IZUMO2: variants seen among roughly 807,000 people sequenced by gnomAD.
IZUMO2 encodes the protein IZUMO family member 2.
IZUMO2 carries 24 observed loss-of-function variants against 31.2 expected under a neutral mutation model. The observed-to-expected ratio is 0.77, with a 90% CI of 0.56 to 1.08. The LOEUF (loss-of-function observed/expected upper bound fraction) is 1.08. IZUMO2 is among the 50% of genes least tolerant of loss of function. The pLI is 0.00. For synonymous variants in IZUMO2, 144 were observed against 117.3 expected (o/e 1.23, Z -1.47); for missense variants, 278 against 274.0 (o/e 1.01, Z -0.10).
chr19:50,161,126 CTTTTTTT>C (rs398040395), intron 2 of IZUMO2, among the ~76,000 whole-genome samples: 1 of 139,678 alleles, frequency 7.2e-6, no homozygotes. Context: ...TTTCCTTTTT[CTTTTTTT>C]TTTTTTTTGA....
In IZUMO2 at chr19:50,159,242, G is replaced by A; in HGVS notation, c.403C>T (p.Pro135Ser). 1 of 1,611,264 alleles carries A rather than the reference G, an allele frequency of 6.2e-7. No homozygotes were observed. Among genetic ancestry groups the A allele is most frequent in the Non-Finnish European group, 8.5e-7 (1 of 1,179,322 alleles). Residue 135 changes from proline to serine, a missense_variant, in exon 4 of 7, where the codon CCC becomes TCC. By Grantham distance (74) the Pro-to-Ser change is moderately conservative (BLOSUM62 -1). Transcript: ENST00000293405. Reference protein sequence around the residue: ...LISYELKACNPKLCRLLKEEV... With the variant: ...LISYELKACNSKLCRLLKEEV... ...ATCCAGAACTCACGGCAAAGTTTGG[G>A]GTTGCAGGCTGCAAGAGAAAATTGC...
rs1402910121 is a variant in IZUMO2 at position 50,163,135 on chromosome 19, G to T, written c.60C>A (p.Gly20=). Residue 20 remains glycine (G), a synonymous_variant, in exon 1 of 7, where the codon GGC becomes GGA. Coordinates refer to ENST00000293405, the MANE Select transcript of IZUMO2 (RefSeq NM_152358.3). The part of the protein sequence containing the change: ...LSGLGAPGGW[G]CLQCDPLVLE... ...GCACCAAGGGGTCGCACTGCAGGCA[G>T]CCCCAGCCTCCGGGGGCGCCCAAGC... 1 of 1,590,532 alleles carries T rather than the reference G, an allele frequency of 6.3e-7. No homozygotes were observed. The highest frequency in any genetic ancestry group is 1.8e-5 in the Admixed American group (1 of 55,264).
In IZUMO2 at chr19:50,163,203, C is replaced by T. The variant is rs1382383056; in HGVS notation, c.-9G>A. 2 of 1,544,640 alleles carry T rather than the reference C, an allele frequency of 1.3e-6. No individual in the cohort carries two copies. The highest frequency in any genetic ancestry group is 2.0e-5 in the Admixed American group (1 of 49,804). ...GTCAAAGCCAGAGGCATGGCGGGGC[C>T]TTTGTGACGTCACAGAGAGAACCCG... is the stretch of plus-strand genomic sequence containing the variant. On this transcript the variant is annotated 5_prime_UTR_variant, in exon 1 of 7. Coordinates refer to ENST00000293405, the MANE Select transcript of IZUMO2 (RefSeq NM_152358.3).
intron 6 of IZUMO2, among the ~76,000 whole-genome samples, chr19:50,154,278 T>G (rs905274762): frequency 1.7e-4 from 23 of 138,208 alleles, no homozygotes; most frequent in African/African-American, 2.5e-4. Context: ...TTTTTTTTTT[T>G]TTTTTTTTTT....
At chr19:50,161,807 A>AT (rs2030408902) in intron 2 of IZUMO2, among the ~76,000 whole-genome samples, 2 of 151,654 alleles carry the variant, frequency 1.3e-5, no homozygotes. Context: ...TCCCTGCTTT[A>AT]TTTTTTTCCT....
chr19:50,161,600 C>G (rs1033660724), intron 2 of IZUMO2, among the ~76,000 whole-genome samples: 6 of 152,094 alleles, frequency 3.9e-5, no homozygotes, highest in Non-Finnish European at 8.8e-5. Context: ...GTGACTATGC[C>G]AAACATAGTC....
Position 50,159,555 on chromosome 19 carries a change from C to A in IZUMO2, c.333G>T (p.Val111=). The change falls in exon 3 of 7, where the codon GTG becomes GTT. Residue 111 remains valine, a synonymous_variant. Transcript: ENST00000293405. ...LKDEPLLEEL[V]TLRANVIKEF... is the part of the protein sequence containing the mutation. The stretch of plus-strand genomic sequence containing the variant: ...CCTTGATCACATTCGCCCTGAGGGT[C>A]ACCAGCTCTTCCAGCAGAGGCTCAT... The A allele has an allele frequency of 6.2e-7, 1 of 1,613,396 alleles. No individual in the cohort carries two copies. Among genetic ancestry groups the A allele is most frequent in the Non-Finnish European group, 8.5e-7 (1 of 1,179,462 alleles).
chr19:50,155,755 C>T (rs547571484), intron 5 of IZUMO2, among the ~76,000 whole-genome samples: 7 of 152,300 alleles, frequency 4.6e-5, no homozygotes, highest in African/African-American at 1.7e-4. Context: ...AGTCGGCTCC[C>T]TCTGCTCAGT....
At chr19:50,159,394 TA>T in intron 3 of IZUMO2, 99 bp downstream of exon 3, 5 of 1,228,334 alleles carry the variant, frequency 4.1e-6, no homozygotes. Flanking sequence ...GGCTGAGCTA[TA>T]GGGGAGGTGA....
chr19:50,159,129 G>T, intron 4 of IZUMO2, 101 bp downstream of exon 4: 1 of 1,208,936 alleles, frequency 8.3e-7, no homozygotes, highest in Non-Finnish European at 1.2e-6. Context: ...TAAGGGAACT[G>T]CCAAATGGAG....
chr19:50,161,026 A>C (rs1457630842), intron 2 of IZUMO2, among the ~76,000 whole-genome samples: 1 of 152,034 alleles, frequency 6.6e-6, no homozygotes, highest in Non-Finnish European at 1.5e-5. Context: ...ACCTACTCCC[A>C]ACCTCCCAGT....
chr19:50,162,583 C>G (rs11879587), intron 2 of IZUMO2, among the ~76,000 whole-genome samples, 156 bp downstream of exon 2: 2,308 of 152,044 alleles, frequency 0.015, 51 homozygotes, highest in African/African-American at 0.053. Context: ...CTACTGCACT[C>G]CAGCCGGAGC....
At chr19:50,161,127 T>C (rs1474276385) in intron 2 of IZUMO2, among the ~76,000 whole-genome samples, 7 of 99,676 alleles carry the variant, frequency 7.0e-5, no homozygotes, top group South Asian at 2.5e-4. Flanking sequence ...TTCCTTTTTC[T>C]TTTTTTTTTT....
chr19:50,154,480 G>A, intron 6 of IZUMO2, 120 bp downstream of exon 6: 1 of 914,710 alleles, frequency 1.1e-6, no homozygotes, highest in Non-Finnish European at 1.7e-6. Context: ...GAGAGACAGA[G>A]ACTAAAGTGA....
At position 50,163,016 on chromosome 19, in the gene IZUMO2, A is replaced by G; in HGVS notation, c.179T>C (p.Met60Thr). 2.5e-6 allele frequency: 4 copies of G among 1,612,144 alleles called. No homozygotes were observed. The highest frequency in any genetic ancestry group is 3.4e-6 in the Non-Finnish European group (4 of 1,178,868). Residue 60 changes from methionine to threonine, a missense_variant, in exon 1 of 7, where the codon ATG becomes ACG. By Grantham distance (81) the Met-to-Thr change is moderately conservative. Transcript: ENST00000293405. ...QARAGAVLMG[M>T]EGPFFRDYAL... ...GTAGTCCCGGAAGAAAGGCCCCTCC[A>G]TGCCCATCAGCACGGCCCCGGCGCG...
intron 6 of IZUMO2, among the ~76,000 whole-genome samples, chr19:50,152,857 AG>A (rs1264937409): frequency 6.6e-6 from 1 of 152,150 alleles, no homozygotes; most frequent in Non-Finnish European, 1.5e-5. Flanking sequence ...AGCTGGGACC[AG>A]GGGTGATGGT....
At chr19:50,155,138 C>T (rs2030171563) in intron 5 of IZUMO2, among the ~76,000 whole-genome samples, 1 of 152,166 alleles carries the variant, frequency 6.6e-6, no homozygotes, top group African/African-American at 2.4e-5. Flanking sequence ...GCATGGTGAG[C>T]TTGCGCCTAT....
chr19:50,163,279 C>G lies in IZUMO2; in HGVS notation c.-85G>C. The stretch of plus-strand genomic sequence containing the variant: ...CGCGGTCAGGAGGCCCAGGGAGCAT[C>G]ACGGTGTTACAGGCACGTGTTCGCT... On this transcript the variant is annotated 5_prime_UTR_variant, in exon 1 of 7. Coordinates refer to ENST00000293405, the MANE Select transcript of IZUMO2 (RefSeq NM_152358.3). 1.1e-6 allele frequency: 1 copy of G among 948,888 alleles called. No individual in the cohort carries two copies. Among genetic ancestry groups the G allele is most frequent in the Non-Finnish European group, 1.6e-6 (1 of 619,422 alleles). The allele number at this position is 948,888 out of a possible 1,614,324, so 58.8% of individuals were successfully genotyped here. A position where few individuals can be genotyped will look rare whatever the true frequency, so the allele number is the denominator to read the frequency against.
At chr19:50,162,656 C>T (rs1389253470) in intron 2 of IZUMO2, 83 bp downstream of exon 2, 2 of 1,187,062 alleles carry the variant, frequency 1.7e-6, no homozygotes, top group Non-Finnish European at 2.5e-6. Flanking sequence ...CGTGTTTGCT[C>T]TTATTTTTAT....
Sources: gnomAD v4.1 joint callset for allele counts (sites outside exome capture counted in the v4.1 genomes callset) on GRCh38, gnomAD v4.1.1 for gene constraint, MANE v1.5 for transcripts, NCBI Gene and HGNC (gene_info 2026-07-23, HGNC 2026-07-21) for gene names.